The following CEMIP variants were observed in gnomAD, a reference collection of about 807,000 sequenced individuals.
The protein encoded by CEMIP is cell migration-inducing and hyaluronan-binding protein.
In CEMIP, 105 loss-of-function variants were observed where a neutral mutation model predicts 156.9. The ratio of observed to expected loss-of-function variants is 0.67; its 90% CI spans 0.57 to 0.79. The LOEUF is 0.79. Ranked by LOEUF, CEMIP falls within the 30% of genes least tolerant of loss-of-function variation. The pLI is 0.00. For synonymous variants in CEMIP, 676 were observed against 668.4 expected (o/e 1.01, Z -0.17); for missense variants, 1,457 against 1,769.4 (o/e 0.82, Z 3.17).
chr15:80,950,755 A>G lies in CEMIP; in HGVS notation c.*1831A>G, dbSNP rs1901782914. The G allele has an allele frequency of 6.5e-6, 1 of 152,760 alleles. No individual in the cohort carries two copies. Among genetic ancestry groups the G allele is most frequent in the Admixed American group, 6.5e-5 (1 of 15,282 alleles). The allele number at this position is 152,760 out of a possible 1,614,324, so 9.5% of individuals were successfully genotyped here. A position where few individuals can be genotyped will look rare whatever the true frequency, so the allele number is the denominator to read the frequency against. ...CCTGGCCCACCTTATAGAGAGCCCA[A>G]AGAGCTCCTGTAAGAGGGAGAACTC... On this transcript the variant is annotated 3_prime_UTR_variant, in exon 30 of 30. Coordinates refer to ENST00000394685, the MANE Select transcript of CEMIP (RefSeq NM_001293298.2).
intron 19 of CEMIP, among the ~76,000 whole-genome samples, chr15:80,927,751 G>A (rs1900751207): frequency 6.6e-6 from 1 of 152,246 alleles, no homozygotes; most frequent in Admixed American, 6.5e-5. Context: ...AGAATGAGGG[G>A]ACCAGGAGCC....
In CEMIP at chr15:80,825,345, A is replaced by G. The variant is rs530541304; in HGVS notation, c.-176+45731A>G. 6.6e-5 allele frequency among the ~76,000 whole-genome samples: 10 copies of G among 152,354 alleles called. No individual in the cohort carries two copies. In the South Asian group the frequency reaches 2.1e-3, roughly 32 times the overall value. ...TAAATGAGGAAACTGAGGCTCAGCA[A>G]GGTTAAATGATGTGTCAAGAAAAAC... On this transcript the variant is annotated intron_variant, in intron 1 of 29. Coordinates refer to ENST00000394685, the MANE Select transcript of CEMIP (RefSeq NM_001293298.2).
intron 1 of CEMIP, among the ~76,000 whole-genome samples, chr15:80,869,070 TC>T (rs1472342825): frequency 6.6e-6 from 1 of 152,084 alleles, no homozygotes. Flanking sequence ...GAAGCCTCTC[TC>T]CTTGGCTTGA....
chr15:80,854,461 C>T (rs948118507), intron 1 of CEMIP, among the ~76,000 whole-genome samples: 1 of 152,236 alleles, frequency 6.6e-6, no homozygotes, highest in African/African-American at 2.4e-5. Flanking sequence ...GGGCAGGGAA[C>T]GCAAGGCTGA....
rs1194966875 is a variant in CEMIP, at chr15:80,950,384, A to ACAAGT, written c.*1462_*1466dup. 6.6e-6 allele frequency: 1 copy of ACAAGT among 152,288 alleles called. No homozygotes were observed. The highest frequency in any genetic ancestry group is 1.5e-5 in the Non-Finnish European group (1 of 68,086). 9.4% of individuals were successfully genotyped at this position (152,288 alleles called of 1,614,324 possible). ...CCTGAGGTAGCTTCTGGAAATGGGGACAAGTCCCCTCGAAGGAAAGGAAAT... is the reference window on the plus strand; with the variant it reads ...CCTGAGGTAGCTTCTGGAAATGGGGACAAGTCAAGTCCCCTCGAAGGAAAGGAAAT... On this transcript the variant is annotated 3_prime_UTR_variant, in exon 30 of 30. Transcript: ENST00000394685.
chr15:80,835,842 C>T (rs1955025413), intron 1 of CEMIP, among the ~76,000 whole-genome samples: 1 of 152,142 alleles, frequency 6.6e-6, no homozygotes, highest in African/African-American at 2.4e-5. Flanking sequence ...ACAGTCTGGA[C>T]AGATTACAGC....
At chr15:80,811,397 C>G (rs996537011) in intron 1 of CEMIP, among the ~76,000 whole-genome samples, 1 of 152,140 alleles carries the variant, frequency 6.6e-6, no homozygotes, top group African/African-American at 2.4e-5. Context: ...TTACAGAGCA[C>G]AGTCCTGGAG....
At chr15:80,857,339 C>T (rs749178042) in intron 1 of CEMIP, among the ~76,000 whole-genome samples, 1 of 152,232 alleles carries the variant, frequency 6.6e-6, no homozygotes, top group Non-Finnish European at 1.5e-5. Flanking sequence ...GCCTAAGGGG[C>T]TCATTCATGG....
chr15:80,926,584 G>A (rs1408311917), intron 19 of CEMIP, among the ~76,000 whole-genome samples: 1 of 143,664 alleles, frequency 7.0e-6, no homozygotes, highest in Non-Finnish European at 1.5e-5. Context: ...AGAGGGAAGG[G>A]AGAGAGAGAA....
intron 1 of CEMIP, among the ~76,000 whole-genome samples, chr15:80,843,557 C>A (rs1343458654): frequency 6.6e-6 from 1 of 152,218 alleles, no homozygotes; most frequent in Admixed American, 6.5e-5. Context: ...CCTTCACCCA[C>A]CCACATCAGT....
intron 1 of CEMIP, among the ~76,000 whole-genome samples, chr15:80,832,322 CTGTGTGTGTGTG>C (rs58855328): frequency 8.0e-4 from 102 of 128,104 alleles, no homozygotes; most frequent in African/African-American, 2.7e-3. Context: ...AAAATAAACT[CTGTGTGTGTGTG>C]TGTGTGTGTG....
chr15:80,904,400 AAAG>A (rs1197207129), intron 12 of CEMIP, among the ~76,000 whole-genome samples: 2 of 152,172 alleles, frequency 1.3e-5, no homozygotes, highest in African/African-American at 4.8e-5. Flanking sequence ...AGTATCTGAA[AAAG>A]AAGGAGGACT....
At chr15:80,782,270 G>T (rs1895817839) in intron 1 of CEMIP, among the ~76,000 whole-genome samples, 1 of 152,168 alleles carries the variant, frequency 6.6e-6, no homozygotes, top group East Asian at 1.9e-4. Context: ...ATGGAGAGTG[G>T]CCTCTAAGGC....
intron 1 of CEMIP, among the ~76,000 whole-genome samples, chr15:80,788,365 G>A (rs181772268): frequency 6.6e-6 from 1 of 151,460 alleles, no homozygotes; most frequent in Non-Finnish European, 1.5e-5. Context: ...CAGCTACTCC[G>A]GAGGCTGAGG....
rs544090385 is a variant in CEMIP at position 80,784,810 on chromosome 15, G to A, written c.-176+5196G>A. Among the ~76,000 whole-genome samples the A allele has an allele frequency of 3.4e-4, 52 of 152,282 alleles. 1 individual carries two copies. In the South Asian group the frequency reaches 0.011, roughly 32 times the overall value. On this transcript the variant is annotated intron_variant, in intron 1 of 29. Transcript: ENST00000394685. ...CCTTTCCAACATGCTCCCAGGTGAC[G>A]CTGCTGGTGCACAGAGCTGCCTTCA... is the stretch of plus-strand genomic sequence containing the variant.
intron 12 of CEMIP, among the ~76,000 whole-genome samples, chr15:80,904,964 T>C (rs1899732407): frequency 6.6e-6 from 1 of 152,178 alleles, no homozygotes. Flanking sequence ...TTGAATAAGA[T>C]ACTTCAAAAA....
intron 12 of CEMIP, among the ~76,000 whole-genome samples, chr15:80,904,415 T>A (rs1023599011): frequency 6.6e-6 from 1 of 152,172 alleles, no homozygotes. Context: ...AGGAGGACTC[T>A]GTGATAGATG....
At chr15:80,894,944 A>AT (rs1391793143) in intron 10 of CEMIP, 46 bp from the exon 11 acceptor site, 29 of 1,600,870 alleles carry the variant, frequency 1.8e-5, no homozygotes, top group Non-Finnish European at 2.3e-5. Flanking sequence ...TTCCTTCTCT[A>AT]TAAAAAAAAA....
intron 28 of CEMIP, chr15:80,946,494 T>C (rs1269190938): frequency 5.7e-6 from 1 of 176,034 alleles, no homozygotes; most frequent in Non-Finnish European, 1.2e-5. Context: ...ATTTGACAGA[T>C]GCTCCCCTCC....
Sources: allele counts gnomAD v4.1 joint callset (sites outside exome capture counted in the v4.1 genomes callset), GRCh38; gene constraint gnomAD v4.1.1; transcripts MANE v1.5; gene names NCBI Gene and HGNC (gene_info 2026-07-23, HGNC 2026-07-21).